The following KCNK2 variants were observed in gnomAD, a reference collection of about 807,000 sequenced individuals.
KCNK2 encodes potassium two pore domain channel subfamily K member 2.
KCNK2 carries 21 observed loss-of-function variants against 40.5 expected under a neutral mutation model. That is an observed-to-expected ratio of 0.52 (90% CI 0.37 to 0.75). KCNK2 has a LOEUF of 0.75. Among genes scored for constraint, KCNK2 ranks in the 30% least tolerant of loss-of-function variants. The pLI is 0.00. For synonymous variants in KCNK2, 191 were observed against 202.2 expected (o/e 0.94, Z 0.47); for missense variants, 399 against 531.6 (o/e 0.75, Z 2.45).
intron 2 of KCNK2, among the ~76,000 whole-genome samples, chr1:215,089,618 T>A (rs1659606298): frequency 6.6e-6 from 1 of 152,106 alleles, no homozygotes; most frequent in African/African-American, 2.4e-5. Flanking sequence ...ACTGCTTCTT[T>A]TGTTATAGAA....
chr1:215,153,661 A>G (rs1205917313), intron 3 of KCNK2, among the ~76,000 whole-genome samples: 3 of 151,902 alleles, frequency 2.0e-5, no homozygotes, highest in African/African-American at 4.8e-5. Flanking sequence ...ATACGTGTGC[A>G]GAACGTGCAG....
chr1:215,209,041 G>T (rs1364217494), intron 6 of KCNK2, among the ~76,000 whole-genome samples: 1 of 151,178 alleles, frequency 6.6e-6, no homozygotes, highest in African/African-American at 2.4e-5. Flanking sequence ...TGGCCAGGCT[G>T]GTCTCAAACT....
At chr1:215,118,545 T>TC (rs1371755822) in intron 2 of KCNK2, among the ~76,000 whole-genome samples, 1 of 147,800 alleles carries the variant, frequency 6.8e-6, no homozygotes, top group African/African-American at 2.4e-5. Context: ...GAAACTGGCT[T>TC]CCCCCGCAAA....
At chr1:215,068,055 T>C (rs890808963) in intron 1 of KCNK2, among the ~76,000 whole-genome samples, 26 of 151,900 alleles carry the variant, frequency 1.7e-4, no homozygotes, top group Middle Eastern at 3.4e-3. Context: ...TTTTCTTTTT[T>C]TTTTTTTTAA....
chr1:215,147,235 A>C (rs994390221), intron 3 of KCNK2, among the ~76,000 whole-genome samples: 1 of 152,166 alleles, frequency 6.6e-6, no homozygotes, highest in African/African-American at 2.4e-5. Flanking sequence ...CATGAATCAG[A>C]ATCACCTCTG....
intron 1 of KCNK2, among the ~76,000 whole-genome samples, chr1:215,070,532 T>A (rs1222588286): frequency 6.6e-6 from 1 of 150,954 alleles, no homozygotes. Context: ...AGAAAAGGCA[T>A]GTCTTACATG....
chr1:215,045,016 A>C (rs2102495317), intron 1 of KCNK2, among the ~76,000 whole-genome samples: 1 of 151,754 alleles, frequency 6.6e-6, no homozygotes, highest in Non-Finnish European at 1.5e-5. Flanking sequence ...TAAAAAAAAC[A>C]AAAACAAAAA....
intron 2 of KCNK2, among the ~76,000 whole-genome samples, chr1:215,098,892 G>T (rs1660090115): frequency 6.6e-6 from 1 of 151,890 alleles, no homozygotes. Context: ...TGACTTAGGA[G>T]TGCATATGTG....
chr1:215,212,250 G>A (rs1412504285), intron 6 of KCNK2, among the ~76,000 whole-genome samples: 1 of 151,996 alleles, frequency 6.6e-6, no homozygotes, highest in East Asian at 1.9e-4. Context: ...TAAATAATTG[G>A]TCCTTAGGAC....
intron 2 of KCNK2, among the ~76,000 whole-genome samples, chr1:215,118,581 A>G (rs772890061): frequency 1.3e-5 from 2 of 152,064 alleles, no homozygotes; most frequent in Non-Finnish European, 2.9e-5. Context: ...AAAAATCTAT[A>G]ATTGCAACTA....
At chr1:215,134,372 G>A (rs1661807376) in intron 3 of KCNK2, among the ~76,000 whole-genome samples, 1 of 152,112 alleles carries the variant, frequency 6.6e-6, no homozygotes, top group Non-Finnish European at 1.5e-5. Context: ...CAGAACTCAG[G>A]GAATAGTTTA....
At chr1:215,200,182 T>C (rs146492822) in intron 6 of KCNK2, among the ~76,000 whole-genome samples, 97 of 152,340 alleles carry the variant, frequency 6.4e-4, no homozygotes, top group Non-Finnish European at 1.4e-3. Flanking sequence ...ACCCTTTGAC[T>C]GGACAACGCT....
chr1:215,188,254 G>T (rs920017675), intron 5 of KCNK2, among the ~76,000 whole-genome samples: 2 of 152,090 alleles, frequency 1.3e-5, no homozygotes, highest in African/African-American at 4.8e-5. Flanking sequence ...CCCTCCTATA[G>T]AGGTACAATA....
intron 1 of KCNK2, among the ~76,000 whole-genome samples, chr1:215,059,259 C>T (rs1214649956): frequency 2.0e-5 from 3 of 151,936 alleles, no homozygotes; most frequent in Admixed American, 6.6e-5. Context: ...TCCCTAGTGC[C>T]AAGAGATGTG....
At chr1:215,042,686 C>T (rs149205515) in intron 1 of KCNK2, among the ~76,000 whole-genome samples, 76 of 152,290 alleles carry the variant, frequency 5.0e-4, no homozygotes, top group African/African-American at 1.7e-3. Context: ...AACTTAGTGT[C>T]ACCTTTTACT....
At chr1:215,229,207 CTTT>C (rs201225142) in intron 6 of KCNK2, among the ~76,000 whole-genome samples, 8 of 129,898 alleles carry the variant, frequency 6.2e-5, no homozygotes, top group Admixed American at 1.5e-4. Context: ...GATTGTTTTT[CTTT>C]TTTTTTTTTT....
chr1:215,198,153 T>C (rs560581348), intron 6 of KCNK2, among the ~76,000 whole-genome samples: 1 of 152,356 alleles, frequency 6.6e-6, no homozygotes, highest in East Asian at 1.9e-4. Context: ...TTTTGTTTTT[T>C]GTTTTTTCTT....
intron 1 of KCNK2, among the ~76,000 whole-genome samples, chr1:215,007,189 A>ATGTATATGTGTGTG (rs1291327035): frequency 4.4e-5 from 1 of 22,886 alleles, no homozygotes; most frequent in South Asian, 3.4e-3. Context: ...GTGTGGGTAT[A>ATGTATATGTGTGTG]TATATATATA....
intron 1 of KCNK2, among the ~76,000 whole-genome samples, chr1:215,026,911 A>G (rs1657020140): frequency 6.6e-6 from 1 of 152,038 alleles, no homozygotes; most frequent in African/African-American, 2.4e-5. Flanking sequence ...AAAACAGGGC[A>G]TGTAATTTTA....
Sources: gnomAD v4.1 joint callset for allele counts (sites outside exome capture counted in the v4.1 genomes callset) on GRCh38, gnomAD v4.1.1 for gene constraint, MANE v1.5 for transcripts, NCBI Gene and HGNC (gene_info 2026-07-23, HGNC 2026-07-21) for gene names.